Variants in SEC23A observed in about 807,000 individuals in gnomAD.
The protein encoded by SEC23A is protein transport protein Sec23A.
Under a neutral mutation model 103.7 loss-of-function variants are expected in SEC23A, and 56 were observed. That is an observed-to-expected ratio of 0.54 (90% CI 0.44 to 0.67). SEC23A has a LOEUF of 0.67. Among genes scored for constraint, SEC23A ranks in the 30% least tolerant of loss-of-function variants. The probability of loss-of-function intolerance (pLI) is 0.00; values close to 1 mark genes in which losing one functional copy is unlikely to be tolerated. For missense variants in SEC23A, 784 were observed against 936.4 expected (o/e 0.84, Z 2.12); for synonymous variants, 281 against 293.0 (o/e 0.96, Z 0.42).
chr14:39,096,306 G>A (rs948421862), intron 1 of SEC23A, among the ~76,000 whole-genome samples, 167 bp from the exon 2 acceptor site: 3 of 152,114 alleles, frequency 2.0e-5, no homozygotes, highest in Non-Finnish European at 2.9e-5. Flanking sequence ...CGAGACAGGC[G>A]GATCACCTGA....
intron 13 of SEC23A, 34 bp from the exon 14 acceptor site, chr14:39,055,330 GAATT>G: frequency 6.3e-7 from 1 of 1,599,106 alleles, no homozygotes; most frequent in East Asian, 2.2e-5. Context: ...AAATGCTTCT[GAATT>G]ATTATACCCA....
chr14:39,035,481 T>C (rs1885427820), intron 19 of SEC23A, among the ~76,000 whole-genome samples: 1 of 152,212 alleles, frequency 6.6e-6, no homozygotes, highest in African/African-American at 2.4e-5. Context: ...ATTTCAAGCA[T>C]GTTTTATTAA....
chr14:39,040,197 C>T (rs1164835592), intron 18 of SEC23A: 1 of 152,362 alleles, frequency 6.6e-6, no homozygotes, highest in South Asian at 2.1e-4. Flanking sequence ...GGTCTCAAAG[C>T]AACTGTGTAT....
intron 18 of SEC23A, chr14:39,040,472 A>G (rs1885601171): frequency 5.9e-6 from 3 of 511,448 alleles, no homozygotes; most frequent in African/African-American, 1.9e-5. Flanking sequence ...TACCACCACA[A>G]TGCCATCCTG....
chr14:39,065,771 G>A (rs1262803671), intron 10 of SEC23A, among the ~76,000 whole-genome samples: 1 of 152,060 alleles, frequency 6.6e-6, no homozygotes, highest in Admixed American at 6.6e-5. Context: ...GGCTGAGGCA[G>A]GTGGATCACC....
At chr14:39,058,723 G>A (rs1488149126) in intron 13 of SEC23A, among the ~76,000 whole-genome samples, 1 of 152,242 alleles carries the variant, frequency 6.6e-6, no homozygotes, top group Non-Finnish European at 1.5e-5. Flanking sequence ...AAAAAAGACT[G>A]AGAATGTGTA....
At chr14:39,054,704 G>A (rs956434274) in intron 14 of SEC23A, among the ~76,000 whole-genome samples, 2 of 152,142 alleles carry the variant, frequency 1.3e-5, no homozygotes, top group East Asian at 3.9e-4. Flanking sequence ...CTGGTTCAAA[G>A]TGCTGGGATT....
rs1887722322 is a variant in SEC23A at position 39,093,199 on chromosome 14, G to A, written c.267C>T (p.Tyr89=). 6.2e-7 allele frequency: 1 copy of A among 1,612,264 alleles called. No homozygotes were observed. Among genetic ancestry groups the A allele is most frequent in the African/African-American group, 1.3e-5 (1 of 74,740 alleles). ...RAKLWACNFC[Y]QRNQFPPSYA... is the part of the protein sequence containing the mutation. The stretch of plus-strand genomic sequence containing the variant: ...GATGTTTTCTTACCTGATTCCTTTG[G>A]TAACAAAAGTTGCAAGCCCAAAGTT... Residue 89 remains tyrosine, a synonymous_variant, in exon 3 of 20, where the codon TAC becomes TAT. Coordinates refer to ENST00000307712, the MANE Select transcript of SEC23A (RefSeq NM_006364.4).
intron 19 of SEC23A, among the ~76,000 whole-genome samples, chr14:39,037,572 A>G (rs541175704): frequency 1.8e-4 from 27 of 152,256 alleles, no homozygotes; most frequent in African/African-American, 6.0e-4. Flanking sequence ...TGAAGCCATC[A>G]TGACATTTTA....
At chr14:39,100,900 G>A (rs531766719) in intron 1 of SEC23A, among the ~76,000 whole-genome samples, 1 of 151,500 alleles carries the variant, frequency 6.6e-6, no homozygotes, top group East Asian at 2.0e-4. Flanking sequence ...TTGGAGTGCA[G>A]TGGTGCAATC....
intron 10 of SEC23A, among the ~76,000 whole-genome samples, chr14:39,065,666 G>A (rs1378180042): frequency 6.6e-6 from 1 of 151,948 alleles, no homozygotes; most frequent in Non-Finnish European, 1.5e-5. Context: ...CCTCACACTG[G>A]GTTCCTGAAT....
intron 7 of SEC23A, among the ~76,000 whole-genome samples, chr14:39,084,447 C>T (rs1229492186): frequency 6.6e-6 from 1 of 152,140 alleles, no homozygotes; most frequent in East Asian, 1.9e-4. Context: ...CATGTCTGTA[C>T]AGGATATATA....
intron 5 of SEC23A, among the ~76,000 whole-genome samples, chr14:39,089,165 C>CAAAAAAAAAA (rs58732430): frequency 2.9e-5 from 2 of 69,338 alleles, no homozygotes; most frequent in African/African-American, 1.0e-4. Context: ...GACTCCGTGT[C>CAAAAAAAAAA]AAAAAAAAAA....
At chr14:39,096,470 T>C (rs1250615796) in intron 1 of SEC23A, among the ~76,000 whole-genome samples, 1 of 150,836 alleles carries the variant, frequency 6.6e-6, no homozygotes, top group East Asian at 1.9e-4. Context: ...GCAAAGTTTG[T>C]GGTGAGCCGA....
chr14:39,042,279 T>C (rs1885673588), intron 17 of SEC23A, among the ~76,000 whole-genome samples: 1 of 152,252 alleles, frequency 6.6e-6, no homozygotes, highest in Non-Finnish European at 1.5e-5. Flanking sequence ...CAAGGTCTGC[T>C]AAATACCTGG....
rs144114655 is a variant in SEC23A at position 39,086,392 on chromosome 14, A to T, written c.684-486T>A. The stretch of plus-strand genomic sequence containing the variant: ...GGTGGCTCACACCTGTAATCCCAGC[A>T]CTTTGGGAGGCCGAGGAGGGAGGAT... On this transcript the variant is annotated intron_variant, in intron 6 of 19. Coordinates refer to ENST00000307712, the MANE Select transcript of SEC23A (RefSeq NM_006364.4). 7.8e-3 allele frequency among the ~76,000 whole-genome samples: 1,186 copies of T among 152,278 alleles called. 13 individuals carry two copies. Among genetic ancestry groups the T allele is most frequent in the African/African-American group, 0.026 (1,082 of 41,546 alleles).
intron 14 of SEC23A, among the ~76,000 whole-genome samples, chr14:39,053,121 G>C (rs1264433742): frequency 6.6e-6 from 1 of 152,086 alleles, no homozygotes; most frequent in Non-Finnish European, 1.5e-5. Context: ...GGCAACAAGA[G>C]CCAAACTCTG....
At chr14:39,067,370 A>G (rs1886706080) in intron 9 of SEC23A, 74 bp from the exon 10 acceptor site, 1 of 1,532,190 alleles carries the variant, frequency 6.5e-7, no homozygotes, top group East Asian at 2.3e-5. Context: ...GTAGAAGAAA[A>G]TTACCTCTCA....
chr14:39,102,206 T>C (rs1175370734), intron 1 of SEC23A, among the ~76,000 whole-genome samples: 4 of 151,266 alleles, frequency 2.6e-5, no homozygotes, highest in African/African-American at 9.7e-5. Context: ...CACTCCAGCC[T>C]GGGCGACAAA....
Sources: allele counts gnomAD v4.1 joint callset (sites outside exome capture counted in the v4.1 genomes callset), GRCh38; gene constraint gnomAD v4.1.1; transcripts MANE v1.5; gene names NCBI Gene and HGNC (gene_info 2026-07-23, HGNC 2026-07-21).